COQ8B: variants seen among roughly 807,000 people sequenced by gnomAD.
COQ8B encodes the protein coenzyme Q8B.
COQ8B carries 44 observed loss-of-function variants against 62.0 expected under a neutral mutation model. The observed-to-expected ratio is 0.71, with a 90% CI of 0.56 to 0.91. The LOEUF (loss-of-function observed/expected upper bound fraction) is 0.91. Among genes scored for constraint, COQ8B ranks in the 40% least tolerant of loss-of-function variants. The probability of loss-of-function intolerance (pLI) is 0.00; values close to 1 mark genes in which losing one functional copy is unlikely to be tolerated. For synonymous variants in COQ8B, 252 were observed against 289.9 expected, an observed-to-expected ratio of 0.87 and a Z score of 1.33; for missense variants, 649 against 731.6, an observed-to-expected ratio of 0.89 and a Z score of 1.30.
chr19:40,703,645 G>C (rs1268671625), intron 8 of COQ8B, 23 bp from the exon 9 acceptor site: 33 of 1,613,438 alleles, frequency 2.0e-5, no homozygotes, highest in Non-Finnish European at 2.4e-5. Flanking sequence ...AAGGGAGGGA[G>C]AGAAGGTGGG....
chr19:40,703,473 C>A, intron 9 of COQ8B, 68 bp downstream of exon 9: 1 of 1,475,424 alleles, frequency 6.8e-7, no homozygotes, highest in East Asian at 2.4e-5. Flanking sequence ...CTGGGCTCCC[C>A]CTCCTGCTTT....
At chr19:40,695,353 A>G (rs1269388106) in intron 13 of COQ8B, among the ~76,000 whole-genome samples, 3 of 152,040 alleles carry the variant, frequency 2.0e-5, no homozygotes, top group Non-Finnish European at 4.4e-5. Flanking sequence ...AAAAAAAGGA[A>G]AAGAAAACGT....
chr19:40,710,569 ATC>A (rs962396620), intron 4 of COQ8B, among the ~76,000 whole-genome samples: 3 of 152,002 alleles, frequency 2.0e-5, no homozygotes, highest in African/African-American at 4.8e-5. Flanking sequence ...AATTCTTTGT[ATC>A]TCTGTTTCCA....
chr19:40,704,996 G>T, intron 7 of COQ8B, 100 bp downstream of exon 7: 1 of 1,119,124 alleles, frequency 8.9e-7, no homozygotes, highest in Non-Finnish European at 1.3e-6. Context: ...GGAAAGTGAG[G>T]CTCAGAGGCA....
At chr19:40,709,734 T>C (rs1214032298) in intron 5 of COQ8B, among the ~76,000 whole-genome samples, 3 of 152,092 alleles carry the variant, frequency 2.0e-5, no homozygotes, top group African/African-American at 7.2e-5. Context: ...CCCAGCTACT[T>C]GGGAGGCTGA....
Position 40,691,980 on chromosome 19 carries a change from A to C in COQ8B, c.*55T>G, listed in dbSNP as rs927926327. The C allele has an allele frequency of 1.5e-5, 22 of 1,475,528 alleles. No homozygotes were observed. The highest frequency in any genetic ancestry group is 1.9e-5 in the Non-Finnish European group (21 of 1,102,324). 91.4% of individuals were successfully genotyped at this position (1,475,528 alleles called of 1,614,324 possible). ...CCAGGGCAGACGGGGAAGGGATAAG[A>C]GGCACTACAGCAGGGTACGGCCTGC... On this transcript the variant is annotated 3_prime_UTR_variant, in exon 15 of 15. Transcript: ENST00000324464.
rs771071497 is a variant in COQ8B at position 40,703,601 on chromosome 19, T to A, written c.739A>T (p.Ile247Phe). The change falls in exon 9 of 15, where the codon ATT (isoleucine) becomes TTT (phenylalanine). Residue 247 changes from isoleucine to phenylalanine, a missense_variant. Physicochemically the swap from Ile to Phe is conservative, Grantham distance 21. Coordinates refer to ENST00000324464, the MANE Select transcript of COQ8B (RefSeq NM_024876.4). ...AGCAGGTTCTGGACATCGCTCTGAA[T>A]GCTCTGGGCTATGCCGGGGTACTGT... ...KIQYPGIAQS[I>F]QSDVQNLLAV... The A allele has an allele frequency of 1.2e-6, 2 of 1,611,814 alleles. No individual in the cohort carries two copies. Among genetic ancestry groups the A allele is most frequent in the Non-Finnish European group, 1.7e-6 (2 of 1,178,408 alleles).
In COQ8B at chr19:40,702,479, T is replaced by C. The variant is rs894381752; in HGVS notation, c.893+121A>G. 6 of 911,296 alleles carry C rather than the reference T, an allele frequency of 6.6e-6. No homozygotes were observed. The East Asian group carries it at 7.2e-5, about 11-fold the overall frequency. 56.5% of individuals were successfully genotyped at this position (911,296 alleles called of 1,614,324 possible). On this transcript the variant is annotated intron_variant, in intron 10 of 14. Transcript: ENST00000324464. ...GAGTGGAAGGATGGATGAACAATGA[T>C]TGAAAGAAAGAGAGAGTTTGCCCTA... is the stretch of plus-strand genomic sequence containing the variant.
rs540865566 is a variant in COQ8B, at chr19:40,716,747, T to G, written c.-164A>C. The G allele has an allele frequency of 6.5e-5, 10 of 153,144 alleles. No individual in the cohort carries two copies. In the South Asian group the frequency reaches 1.9e-3, roughly 29 times the overall value. 9.5% of individuals were successfully genotyped at this position (153,144 alleles called of 1,614,324 possible). On this transcript the variant is annotated 5_prime_UTR_variant, in exon 1 of 15. Coordinates refer to ENST00000324464, the MANE Select transcript of COQ8B (RefSeq NM_024876.4). ...CGCGGCTGGACTCGTCACCGGGGGTTTTAGGGAAGGTTGAACTTGTCATTC... is the reference window on the plus strand; with the variant it reads ...CGCGGCTGGACTCGTCACCGGGGGTGTTAGGGAAGGTTGAACTTGTCATTC...
chr19:40,713,155 A>G (rs959073097), intron 4 of COQ8B, among the ~76,000 whole-genome samples: 3 of 152,258 alleles, frequency 2.0e-5, no homozygotes, highest in African/African-American at 7.2e-5. Flanking sequence ...TGAGGTCAGG[A>G]GTTCAAGACC....
rs201047027 is a variant in COQ8B, at chr19:40,705,205, G to C, written c.491-24C>G. 9 of 1,612,004 alleles carry C rather than the reference G, an allele frequency of 5.6e-6. No individual in the cohort carries two copies. The East Asian group carries it at 1.8e-4, about 32-fold the overall frequency. ...GTCTTGGGAGACAGTGGAACCAGGGGGGAAGTAAGCGAAGAGGTGAGGAGG... is the reference window on the plus strand; with the variant it reads ...GTCTTGGGAGACAGTGGAACCAGGGCGGAAGTAAGCGAAGAGGTGAGGAGG... On this transcript the variant is annotated intron_variant, in intron 6 of 14. Transcript: ENST00000324464.
intron 12 of COQ8B, among the ~76,000 whole-genome samples, chr19:40,698,635 G>C (rs1240555665): frequency 6.6e-6 from 1 of 152,142 alleles, no homozygotes; most frequent in East Asian, 1.9e-4. Context: ...ATGAACCTAG[G>C]AGGGGACACA....
In COQ8B at chr19:40,714,065, AC is replaced by A; in HGVS notation, c.289+1del. 1 of 1,613,626 alleles carries A rather than the reference AC, an allele frequency of 6.2e-7. No homozygotes were observed. Among genetic ancestry groups the A allele is most frequent in the Non-Finnish European group, 8.5e-7 (1 of 1,179,942 alleles). ...ACCAAGATCCCCCAAAGTCACACCTACCCCCAAAGTTGGCCAAGCGGCTGAT... is the reference window on the plus strand; with the variant it reads ...ACCAAGATCCCCCAAAGTCACACCTACCCCAAAGTTGGCCAAGCGGCTGAT... On this transcript the variant is annotated splice_donor_variant, in intron 4 of 14. Coordinates refer to ENST00000324464, the MANE Select transcript of COQ8B (RefSeq NM_024876.4). LOFTEE classifies it high-confidence loss of function.
chr19:40,711,526 TC>T (rs2082141810), intron 4 of COQ8B, among the ~76,000 whole-genome samples: 2 of 152,134 alleles, frequency 1.3e-5, no homozygotes, highest in Non-Finnish European at 2.9e-5. Context: ...GCTTGACCTC[TC>T]CCTTTCTAAG....
intron 10 of COQ8B, among the ~76,000 whole-genome samples, chr19:40,702,068 G>A (rs940581242): frequency 3.9e-5 from 6 of 152,188 alleles, no homozygotes; most frequent in Admixed American, 1.3e-4. Flanking sequence ...GCAGACAAGC[G>A]TTCTAGAACA....
In COQ8B at chr19:40,692,380, G is replaced by T. The variant is rs533389416; in HGVS notation, c.1297-7C>A. 3 of 1,611,676 alleles carry T rather than the reference G, an allele frequency of 1.9e-6. No individual in the cohort carries two copies. Among genetic ancestry groups the T allele is most frequent in the Non-Finnish European group, 2.5e-6 (3 of 1,179,432 alleles). ...CGTGGGCGTCGGAGAATGCCTGGGAGTGGGGGTGGGGGGAGAGCAAAGGCA... is the reference window on the plus strand; with the variant it reads ...CGTGGGCGTCGGAGAATGCCTGGGATTGGGGGTGGGGGGAGAGCAAAGGCA... On this transcript the variant is annotated splice_polypyrimidine_tract_variant and splice_region_variant and intron_variant, in intron 14 of 14. Transcript: ENST00000324464.
intron 5 of COQ8B, among the ~76,000 whole-genome samples, chr19:40,708,891 T>C (rs4803358): frequency 0.47 from 71,620 of 151,186 alleles, 17,457 homozygotes; most frequent in Admixed American, 0.57. Context: ...GATCGTACCA[T>C]TGCATTCCAG....
chr19:40,695,332 A>AAAAG (rs1482851732), intron 13 of COQ8B, among the ~76,000 whole-genome samples: 2 of 151,952 alleles, frequency 1.3e-5, no homozygotes, highest in Non-Finnish European at 2.9e-5. Context: ...AAAAAAAAAA[A>AAAAG]AAAGAAAAGA....
chr19:40,695,833 A>G (rs1055970416), intron 13 of COQ8B, among the ~76,000 whole-genome samples, 156 bp downstream of exon 13: 1 of 152,164 alleles, frequency 6.6e-6, no homozygotes, highest in Non-Finnish European at 1.5e-5. Context: ...GGAGCCTGAC[A>G]TATTAAGTGC....
Sources: gnomAD v4.1 joint callset for allele counts (sites outside exome capture counted in the v4.1 genomes callset) on GRCh38, gnomAD v4.1.1 for gene constraint, MANE v1.5 for transcripts, NCBI Gene and HGNC (gene_info 2026-07-23, HGNC 2026-07-21) for gene names.